STARD13: variants seen among roughly 807,000 people sequenced by gnomAD.
STARD13 encodes stAR-related lipid transfer protein 13.
STARD13 carries 62 observed loss-of-function variants against 106.4 expected under a neutral mutation model. The observed-to-expected ratio is 0.58, with a 90% CI of 0.48 to 0.72. The LOEUF (loss-of-function observed/expected upper bound fraction) is 0.72. STARD13 is among the 30% of genes least tolerant of loss of function. STARD13 has a pLI of 0.00. For synonymous variants in STARD13, 565 were observed against 553.0 expected, an observed-to-expected ratio of 1.02 and a Z score of -0.31; for missense variants, 1,387 against 1,424.0, an observed-to-expected ratio of 0.97 and a Z score of 0.42.
chr13:33,202,338 A>G (rs2138099045), intron 1 of STARD13, among the ~76,000 whole-genome samples: 1 of 152,358 alleles, frequency 6.6e-6, no homozygotes, highest in East Asian at 1.9e-4. Flanking sequence ...CTGTTATGCC[A>G]TAAGGGACAA....
rs377610506 is a variant in STARD13, at chr13:33,175,218, G to T, written c.170-7596C>A. ...TCTCCTCTTTCATTTGATACAGATT[G>T]TTCCAATCAGGCGCTTGTGGTATTT... On this transcript the variant is annotated intron_variant, in intron 1 of 13. Coordinates refer to ENST00000336934, the MANE Select transcript of STARD13 (RefSeq NM_178006.4). Among the ~76,000 whole-genome samples the T allele has an allele frequency of 1.1e-4, 17 of 152,240 alleles. No individual in the cohort carries two copies. In the East Asian group the frequency reaches 3.3e-3, roughly 29 times the overall value.
chr13:33,475,931 T>G, the STARD13 span, among the ~76,000 whole-genome samples: 1 of 151,688 alleles, frequency 6.6e-6, no homozygotes, highest in Non-Finnish European at 1.5e-5. Context: ...CACTCCAGCC[T>G]AGCAACAGAG....
chr13:33,515,596 A>G, the STARD13 span, among the ~76,000 whole-genome samples: 2 of 152,188 alleles, frequency 1.3e-5, no homozygotes, highest in African/African-American at 4.8e-5. Context: ...TTCTCAGAAT[A>G]TAGAAGAGTC....
rs563598500 is a variant in STARD13 at position 33,197,075 on chromosome 13, G to A, written c.170-29453C>T. Among the ~76,000 whole-genome samples the A allele has an allele frequency of 3.7e-4, 57 of 152,108 alleles. No homozygotes were observed. The South Asian group carries it at 9.4e-3, about 25-fold the overall frequency. On this transcript the variant is annotated intron_variant, in intron 1 of 13. Transcript: ENST00000336934. ...CAACAAAGGCTGGGGCCACTGTGCC[G>A]GGGAAATGAATATAGGGTGGCCACA...
chr13:33,546,342 T>C, the STARD13 span, among the ~76,000 whole-genome samples: 1 of 152,192 alleles, frequency 6.6e-6, no homozygotes, highest in African/African-American at 2.4e-5. Flanking sequence ...TTGTTAGAGC[T>C]TTTTGGCGGT....
intron 1 of STARD13, among the ~76,000 whole-genome samples, chr13:33,341,607 G>A (rs1437635087): frequency 4.1e-5 from 6 of 146,660 alleles, no homozygotes; most frequent in African/African-American, 1.5e-4. Context: ...AAAAAAAAAA[G>A]AAGAAGAAAA....
chr13:33,320,003 T>C (rs1019182782), intron 1 of STARD13, among the ~76,000 whole-genome samples: 1 of 152,166 alleles, frequency 6.6e-6, no homozygotes, highest in East Asian at 1.9e-4. Context: ...CATCCTCCTC[T>C]GTAAACTTGG....
chr13:33,285,879 C>G, upstream of STARD13: 1 of 783,940 alleles, frequency 1.3e-6, no homozygotes, highest in Non-Finnish European at 1.7e-6. Flanking sequence ...CCCTAAGCCC[C>G]GACCAGAGGC....
At chr13:33,436,588 T>C in the STARD13 span, among the ~76,000 whole-genome samples, 8 of 152,308 alleles carry the variant, frequency 5.3e-5, no homozygotes, top group South Asian at 6.2e-4. Context: ...AATTTTTATC[T>C]AATAAAGGCC....
upstream of STARD13, among the ~76,000 whole-genome samples, chr13:33,352,743 A>G (rs2078090772): frequency 6.6e-6 from 1 of 152,200 alleles, no homozygotes; most frequent in Non-Finnish European, 1.5e-5. Context: ...CCCTGTTGGA[A>G]GAAACCACAC....
chr13:33,499,604 T>TTCTTTC, the STARD13 span, among the ~76,000 whole-genome samples: 56 of 39,714 alleles, frequency 1.4e-3, 4 homozygotes, highest in Non-Finnish European at 2.0e-3. Flanking sequence ...CTTCTTCTTC[T>TTCTTTC]TTCTTCTTCT....
the STARD13 span, among the ~76,000 whole-genome samples, chr13:33,426,864 T>A: frequency 6.6e-6 from 1 of 152,196 alleles, no homozygotes; most frequent in East Asian, 1.9e-4. Context: ...CAAGATTACA[T>A]ATAAAGAATG....
At chr13:33,325,100 A>C (rs1458343564) in intron 1 of STARD13, among the ~76,000 whole-genome samples, 1 of 152,198 alleles carries the variant, frequency 6.6e-6, no homozygotes, top group African/African-American at 2.4e-5. Flanking sequence ...AAGCTTCAGA[A>C]CCTACACATC....
chr13:33,372,097 G>C, the STARD13 span, among the ~76,000 whole-genome samples: 6 of 152,312 alleles, frequency 3.9e-5, no homozygotes, highest in East Asian at 1.2e-3. Flanking sequence ...GTTAGTGAAT[G>C]AGTCTACAAA....
chr13:33,574,762 A>G, the STARD13 span, among the ~76,000 whole-genome samples: 1 of 152,068 alleles, frequency 6.6e-6, no homozygotes, highest in African/African-American at 2.4e-5. Flanking sequence ...GAAATATGGG[A>G]AAATAAATGA....
intron 1 of STARD13, among the ~76,000 whole-genome samples, chr13:33,222,293 G>A (rs1051440699): frequency 4.6e-5 from 7 of 152,152 alleles, no homozygotes; most frequent in African/African-American, 1.7e-4. Flanking sequence ...TCAGATGGTG[G>A]GTGCCAGAGG....
the STARD13 span, among the ~76,000 whole-genome samples, chr13:33,467,780 C>A: frequency 1.3e-5 from 2 of 152,120 alleles, no homozygotes; most frequent in Non-Finnish European, 2.9e-5. Context: ...ATTATCTCCA[C>A]TTTATAGATG....
the STARD13 span, among the ~76,000 whole-genome samples, chr13:33,471,220 A>G: frequency 6.6e-6 from 1 of 152,300 alleles, no homozygotes; most frequent in East Asian, 1.9e-4. Flanking sequence ...TAAGCCAAAC[A>G]CTTTCATTTT....
the STARD13 span, among the ~76,000 whole-genome samples, chr13:33,425,754 C>T: frequency 4.6e-5 from 7 of 152,290 alleles, no homozygotes; most frequent in South Asian, 2.1e-4. Flanking sequence ...ACTCAATTTT[C>T]CAGCAATGAC....
Sources: gnomAD v4.1 joint callset for allele counts (sites outside exome capture counted in the v4.1 genomes callset) on GRCh38, gnomAD v4.1.1 for gene constraint, MANE v1.5 for transcripts, NCBI Gene and HGNC (gene_info 2026-07-23, HGNC 2026-07-21) for gene names.